The following CCDC158 variants were observed in gnomAD, a reference collection of about 807,000 sequenced individuals.
CCDC158 encodes the protein coiled-coil domain containing 158, also known as coiled-coil domain-containing protein 158.
Under a neutral mutation model 138.6 loss-of-function variants are expected in CCDC158, and 116 were observed. The ratio of observed to expected loss-of-function variants is 0.84; its 90% CI spans 0.72 to 0.98. The LOEUF (loss-of-function observed/expected upper bound fraction) is 0.98, where lower values mean the gene tolerates loss of function less well. CCDC158 is among the 50% of genes least tolerant of loss of function. CCDC158 has a pLI of 0.00. For synonymous variants in CCDC158, 436 were observed against 442.4 expected, an observed-to-expected ratio of 0.99 and a Z score of 0.18; for missense variants, 1,265 against 1,306.1, an observed-to-expected ratio of 0.97 and a Z score of 0.48.
chr4:76,320,931 A>G (rs1719934278), intron 24 of CCDC158, among the ~76,000 whole-genome samples: 1 of 152,246 alleles, frequency 6.6e-6, no homozygotes, highest in Admixed American at 6.5e-5. Flanking sequence ...TAAATTAAAA[A>G]GCTTCTGCAT....
chr4:76,357,490 T>G lies in CCDC158; in HGVS notation c.2057A>C (p.Lys686Thr). 1 of 1,601,194 alleles carries G rather than the reference T, an allele frequency of 6.2e-7. No individual in the cohort carries two copies. The highest frequency in any genetic ancestry group is 8.5e-7 in the Non-Finnish European group (1 of 1,172,942). The change falls in exon 14 of 25, where the codon AAA becomes ACA. Residue 686 changes from lysine (K) to threonine (T), a missense_variant. Coordinates refer to ENST00000682701, the MANE Select transcript of CCDC158 (RefSeq NM_001394954.1). ...YEVLKRNFRN[K>T]SEEMEMTTNK... is the part of the protein sequence containing the mutation. ...TGTAGTCATTTCCATTTCTTCACTT[T>G]TGTTTCGGAAATTCCTTTTTAAGAC...
intron 23 of CCDC158, 55 bp from the exon 24 acceptor site, chr4:76,323,464 A>G (rs1720233628): frequency 7.4e-7 from 1 of 1,348,238 alleles, no homozygotes; most frequent in Non-Finnish European, 1.0e-6. Flanking sequence ...ATTTCCTTTT[A>G]GAAATCTTTG....
In CCDC158 at chr4:76,352,172, A is replaced by C. The variant is rs551142973; in HGVS notation, c.2446-360T>G. On this transcript the variant is annotated intron_variant, in intron 16 of 24. Coordinates refer to ENST00000682701, the MANE Select transcript of CCDC158 (RefSeq NM_001394954.1). ...GTAATCCCAGCACTTTGGGAGGCCG[A>C]GGCAGGCAGATCACGAGGTCAAGAG... The C allele has an allele frequency of 2.5e-5, 4 of 162,024 alleles. No homozygotes were observed. In the South Asian group the frequency reaches 5.2e-4, roughly 21 times the overall value. 10.0% of individuals were successfully genotyped at this position (162,024 alleles called of 1,614,324 possible). A position where few individuals can be genotyped will look rare whatever the true frequency, so the allele number is the denominator to read the frequency against.
intron 18 of CCDC158, among the ~76,000 whole-genome samples, chr4:76,339,077 A>G (rs1578904182): frequency 1.3e-5 from 2 of 152,198 alleles, no homozygotes; most frequent in East Asian, 1.9e-4. Context: ...CGGCTATCCA[A>G]TGAAACCATG....
rs115832566 is a variant in CCDC158, at chr4:76,390,247, G to A, written c.289-5582C>T. Among the ~76,000 whole-genome samples, 625 of 152,140 alleles carry A rather than the reference G, an allele frequency of 4.1e-3. 3 individuals carry two copies. Among genetic ancestry groups the A allele is most frequent in the African/African-American group, 0.014 (584 of 41,544 alleles). ...TAGAGTTTGTATTAGTTTGGTTTTC[G>A]TACATTTGTTTGTTTATGCAATCAG... On this transcript the variant is annotated intron_variant, in intron 4 of 24. Transcript: ENST00000682701.
At position 76,362,136 on chromosome 4, in the gene CCDC158, G is replaced by A. The variant is rs1724201670; in HGVS notation, c.2010C>T (p.Asn670=). Residue 670 remains asparagine (N), a synonymous_variant, in exon 13 of 25, where the codon AAC becomes AAT. Coordinates refer to ENST00000682701, the MANE Select transcript of CCDC158 (RefSeq NM_001394954.1). The part of the protein sequence containing the change: ...NEVKTSRSEL[N]NLSEEYEVLK... ...GCTGAAGCAACATACCTGAAAGATT[G>A]TTTAATTCACTCCTACTTGTTTTCA... 2.5e-6 allele frequency: 4 copies of A among 1,613,248 alleles called. No individual in the cohort carries two copies. The highest frequency in any genetic ancestry group is 2.2e-5 in the South Asian group (2 of 91,000).
At chr4:76,318,239 A>G (rs904379865) in intron 24 of CCDC158, among the ~76,000 whole-genome samples, 3 of 152,144 alleles carry the variant, frequency 2.0e-5, no homozygotes, top group Non-Finnish European at 4.4e-5. Context: ...TTGTTCTTTA[A>G]AAAGATAAAA....
chr4:76,346,544 T>C (rs1216584736), intron 18 of CCDC158, among the ~76,000 whole-genome samples: 1 of 152,142 alleles, frequency 6.6e-6, no homozygotes, highest in East Asian at 1.9e-4. Flanking sequence ...ACCGTGTTTC[T>C]ACTAAAAATA....
chr4:76,416,147 CCT>C (rs113548172), intron 1 of CCDC158, among the ~76,000 whole-genome samples: 1 of 151,180 alleles, frequency 6.6e-6, no homozygotes, highest in Admixed American at 6.6e-5. Context: ...CTCTCTCTCT[CCT>C]CTCTCTCTCT....
At chr4:76,344,311 C>A (rs1414604645) in intron 18 of CCDC158, among the ~76,000 whole-genome samples, 1 of 152,188 alleles carries the variant, frequency 6.6e-6, no homozygotes, top group Non-Finnish European at 1.5e-5. Flanking sequence ...TGTGAGGGAC[C>A]TCTCCAAGGA....
In CCDC158 at chr4:76,357,357, A is replaced by G; in HGVS notation, c.2173+17T>C. 2.7e-6 allele frequency: 4 copies of G among 1,465,658 alleles called. No individual in the cohort carries two copies. Among genetic ancestry groups the G allele is most frequent in the Non-Finnish European group, 3.6e-6 (4 of 1,108,090 alleles). 90.8% of individuals were successfully genotyped at this position (1,465,658 alleles called of 1,614,324 possible). A position where few individuals can be genotyped will look rare whatever the true frequency, so the allele number is the denominator to read the frequency against. On this transcript the variant is annotated intron_variant, in intron 14 of 24. Transcript: ENST00000682701. ...ATTAAAAACAGAAGAAAAAATTTTAAATCTAACAGAGCATACCATGACCAT... is the reference window on the plus strand; with the variant it reads ...ATTAAAAACAGAAGAAAAAATTTTAGATCTAACAGAGCATACCATGACCAT...
chr4:76,388,982 G>A (rs2136052), intron 4 of CCDC158, among the ~76,000 whole-genome samples: 89,992 of 151,854 alleles, frequency 0.59, 27,821 homozygotes, highest in East Asian at 0.8. Flanking sequence ...AAGCCTTCCC[G>A]AGAAGAACAG....
At chr4:76,399,506 T>C (rs576353224) in intron 3 of CCDC158, among the ~76,000 whole-genome samples, 1 of 152,182 alleles carries the variant, frequency 6.6e-6, no homozygotes, top group African/African-American at 2.4e-5. Flanking sequence ...TAAAAAGCTG[T>C]CCATTGGACT....
intron 21 of CCDC158, among the ~76,000 whole-genome samples, chr4:76,330,624 G>T: frequency 6.6e-6 from 1 of 152,106 alleles, no homozygotes; most frequent in Non-Finnish European, 1.5e-5. Flanking sequence ...CATCTATACT[G>T]AACATGTACA....
chr4:76,396,463 A>T lies in CCDC158; in HGVS notation c.94T>A (p.Ser32Thr), dbSNP rs1198632392. The T allele has an allele frequency of 2.5e-6, 4 of 1,606,444 alleles. No individual in the cohort carries two copies. The African/African-American group carries it at 5.4e-5, about 22-fold the overall frequency. The change falls in exon 4 of 25, where the codon TCA (serine) becomes ACA (threonine). Residue 32 changes from serine to threonine, a missense_variant. Physicochemically the swap from Ser to Thr is moderately conservative, Grantham distance 58. Coordinates refer to ENST00000682701, the MANE Select transcript of CCDC158 (RefSeq NM_001394954.1). ...TCAATTATTGTACCACGAATAGATG[A>T]CACAAAAAATGAACTTGAAGAACCT... ...NGGSSSSFFV[S>T]SIRGTIIENT...
At chr4:76,341,650 A>G (rs1362880979) in intron 18 of CCDC158, among the ~76,000 whole-genome samples, 1 of 152,260 alleles carries the variant, frequency 6.6e-6, no homozygotes, top group Non-Finnish European at 1.5e-5. Context: ...TATTTGAAAT[A>G]TTAATCTAAA....
At chr4:76,397,345 A>G (rs531765316) in intron 3 of CCDC158, among the ~76,000 whole-genome samples, 1 of 152,350 alleles carries the variant, frequency 6.6e-6, no homozygotes, top group Non-Finnish European at 1.5e-5. Flanking sequence ...CACAGTTTAC[A>G]AAGTTTTTAT....
At chr4:76,405,197 G>A (rs534047231) in intron 2 of CCDC158, among the ~76,000 whole-genome samples, 4 of 152,256 alleles carry the variant, frequency 2.6e-5, no homozygotes, top group South Asian at 2.1e-4. Context: ...CTGGCACCAG[G>A]TTATTAAAAA....
Position 76,333,991 on chromosome 4 carries a change from T to C in CCDC158, c.2822+19A>G, listed in dbSNP as rs747853062. 6 of 1,538,818 alleles carry C rather than the reference T, an allele frequency of 3.9e-6. No individual in the cohort carries two copies. The highest frequency in any genetic ancestry group is 4.4e-6 in the Non-Finnish European group (5 of 1,133,088). ...ATTCAAGAGATGAGCTTTCCCATTC[T>C]GTGTGCACACAGCCTTACACAGCCA... On this transcript the variant is annotated intron_variant, in intron 19 of 24. Transcript: ENST00000682701.
Sources: allele counts gnomAD v4.1 joint callset (sites outside exome capture counted in the v4.1 genomes callset), GRCh38; gene constraint gnomAD v4.1.1; transcripts MANE v1.5; gene names NCBI Gene and HGNC (gene_info 2026-07-23, HGNC 2026-07-21).